The following COL4A2 variants were observed in gnomAD, a reference collection of about 807,000 sequenced individuals.
COL4A2 encodes the protein collagen type IV alpha 2 chain.
In COL4A2, 99 loss-of-function variants were observed where a neutral mutation model predicts 200.2. The ratio of observed to expected loss-of-function variants is 0.49; its 90% CI spans 0.42 to 0.58. The LOEUF (loss-of-function observed/expected upper bound fraction) is 0.58. Ranked by LOEUF, COL4A2 falls within the 20% of genes least tolerant of loss-of-function variation. COL4A2 has a pLI of 0.00. For synonymous variants in COL4A2, 897 were observed against 900.6 expected, an observed-to-expected ratio of 1.00 and a Z score of 0.07; for missense variants, 1,950 against 2,314.1, an observed-to-expected ratio of 0.84 and a Z score of 3.23.
At position 110,501,795 on chromosome 13, in the gene COL4A2, C is replaced by G. The variant is rs988465561; in HGVS notation, c.3877+11C>G. Reference sequence around the variant, plus strand: ...TATTTGGCCTGAAAGGTAAGCAGGACTTATACATCTGTGCTTCGACATCTC... The same window carrying G: ...TATTTGGCCTGAAAGGTAAGCAGGAGTTATACATCTGTGCTTCGACATCTC... On this transcript the variant is annotated intron_variant, in intron 41 of 47. Coordinates refer to ENST00000360467, the MANE Select transcript of COL4A2 (RefSeq NM_001846.4). The G allele has an allele frequency of 6.2e-7, 1 of 1,611,466 alleles. No homozygotes were observed. Among genetic ancestry groups the G allele is most frequent in the Middle Eastern group, 1.7e-4 (1 of 6,050 alleles).
chr13:110,439,028 A>G (rs1881024451), intron 15 of COL4A2, among the ~76,000 whole-genome samples: 1 of 152,210 alleles, frequency 6.6e-6, no homozygotes, highest in Non-Finnish European at 1.5e-5. Flanking sequence ...GAATATCTCA[A>G]ACACACATTG....
chr13:110,374,061 C>T (rs766291880), intron 4 of COL4A2, among the ~76,000 whole-genome samples: 7 of 152,172 alleles, frequency 4.6e-5, no homozygotes, highest in African/African-American at 1.2e-4. Context: ...AATCGTGTCA[C>T]GTCCAATTTT....
Position 110,307,366 on chromosome 13 carries a change from C to A in COL4A2, c.-207C>A. On this transcript the variant is annotated 5_prime_UTR_variant, in exon 1 of 48. Transcript: ENST00000360467. This position sits in a 1 kb window ranked among gnomAD's most constrained non-coding sequence, Gnocchi z 5.0. ...CCCGCGTCCCAACCCCTCGCGCCCG[C>A]GCGTTCGCGGATCCAGGCCGAGGAC... is the stretch of plus-strand genomic sequence containing the variant. 4.0e-6 allele frequency: 1 copy of A among 248,656 alleles called. No homozygotes were observed. The highest frequency in any genetic ancestry group is 7.8e-5 in the East Asian group (1 of 12,868). 15.4% of individuals were successfully genotyped at this position (248,656 alleles called of 1,614,324 possible).
At chr13:110,395,520 G>A (rs546126789) in intron 4 of COL4A2, among the ~76,000 whole-genome samples, 1 of 152,160 alleles carries the variant, frequency 6.6e-6, no homozygotes, top group African/African-American at 2.4e-5. Context: ...AAATGAGAAC[G>A]TGACACATTT....
At chr13:110,492,232 G>A in intron 38 of COL4A2, 55 bp downstream of exon 38, 4 of 1,466,524 alleles carry the variant, frequency 2.7e-6, no homozygotes, top group Non-Finnish European at 3.7e-6. Flanking sequence ...GGCTGTGCAG[G>A]AGGCACCGCT....
chr13:110,455,727 C>G (rs531493349), intron 20 of COL4A2, among the ~76,000 whole-genome samples: 1 of 152,326 alleles, frequency 6.6e-6, no homozygotes, highest in South Asian at 2.1e-4. Context: ...GGGACGGTAT[C>G]CATGTCCTCA....
intron 26 of COL4A2, 83 bp downstream of exon 26, chr13:110,466,145 G>A (rs1882231887): frequency 6.7e-7 from 1 of 1,485,258 alleles, no homozygotes; most frequent in Non-Finnish European, 9.2e-7. Context: ...GTATGCGTGG[G>A]ATAAGAAATA....
At chr13:110,447,742 A>ATTGT (rs1881382887) in intron 18 of COL4A2, among the ~76,000 whole-genome samples, 2 of 103,514 alleles carry the variant, frequency 1.9e-5, no homozygotes, top group Non-Finnish European at 4.4e-5. Context: ...CAAACGCCTG[A>ATTGT]CTGAGTGACG....
rs536726747 is a variant in COL4A2, at chr13:110,399,867, G to A, written c.181-24867G>A. On this transcript the variant is annotated intron_variant, in intron 4 of 47. Coordinates refer to ENST00000360467, the MANE Select transcript of COL4A2 (RefSeq NM_001846.4). ...GAAGATTTGAGTGAGGTTTGCTTTGGTCATGGCTTCTGAAGCTTGATAATT... is the reference window on the plus strand; with the variant it reads ...GAAGATTTGAGTGAGGTTTGCTTTGATCATGGCTTCTGAAGCTTGATAATT... 2.0e-5 allele frequency among the ~76,000 whole-genome samples: 3 copies of A among 152,314 alleles called. No homozygotes were observed. The East Asian group carries it at 5.8e-4, about 29-fold the overall frequency.
Position 110,503,384 on chromosome 13 carries a change from G to T in COL4A2, c.4041G>T (p.Gly1347=), listed in dbSNP as rs1322342438. The T allele has an allele frequency of 1.9e-6, 3 of 1,598,494 alleles. No individual in the cohort carries two copies. The African/African-American group carries it at 4.0e-5, about 21-fold the overall frequency. The change falls in exon 43 of 48, where the codon GGG becomes GGT. Residue 1347 remains glycine (G), a splice_region_variant and synonymous_variant. Coordinates refer to ENST00000360467, the MANE Select transcript of COL4A2 (RefSeq NM_001846.4). The stretch of plus-strand genomic sequence containing the variant: ...CCTAACGTCTTGTTTGTGTTGCAGG[G>T]CCCAGGGGTGAACAAGGCTTCATGG... ...PGVFGLPGEK[G]PRGEQGFMGN...
intron 3 of COL4A2, among the ~76,000 whole-genome samples, chr13:110,338,477 G>A (rs1447898268): frequency 6.6e-6 from 1 of 152,140 alleles, no homozygotes; most frequent in Non-Finnish European, 1.5e-5. Flanking sequence ...AGAGCACTGA[G>A]GCTCTAGGGA....
intron 4 of COL4A2, among the ~76,000 whole-genome samples, chr13:110,398,648 G>A (rs574187018): frequency 6.6e-6 from 1 of 152,068 alleles, no homozygotes; most frequent in Admixed American, 6.5e-5. Context: ...AGCCGAGACC[G>A]TGTCACTGCC....
chr13:110,365,455 A>G (rs1359650413), intron 4 of COL4A2, among the ~76,000 whole-genome samples: 1 of 152,228 alleles, frequency 6.6e-6, no homozygotes, highest in Non-Finnish European at 1.5e-5. Context: ...ATTTTCTTTA[A>G]TTAGAACTAG....
At chr13:110,460,640 A>G (rs1412937562) in intron 22 of COL4A2, among the ~76,000 whole-genome samples, 2 of 152,216 alleles carry the variant, frequency 1.3e-5, no homozygotes, top group African/African-American at 4.8e-5. Context: ...TCCTGCACTG[A>G]ATTCTATGAT....
intron 3 of COL4A2, among the ~76,000 whole-genome samples, chr13:110,310,985 G>C (rs1467760091): frequency 1.3e-5 from 2 of 152,182 alleles, no homozygotes; most frequent in Non-Finnish European, 2.9e-5. Flanking sequence ...CCTCCACACC[G>C]AGCTTCCCAG....
intron 4 of COL4A2, among the ~76,000 whole-genome samples, chr13:110,367,279 T>G (rs1293823311): frequency 6.6e-6 from 1 of 152,244 alleles, no homozygotes. Flanking sequence ...AAAATGGAAG[T>G]AATTAATGTT....
At chr13:110,321,855 CT>C (rs1408908767) in intron 3 of COL4A2, among the ~76,000 whole-genome samples, 1 of 152,164 alleles carries the variant, frequency 6.6e-6, no homozygotes, top group East Asian at 1.9e-4. Context: ...GGAGAACTCA[CT>C]ATCATGAGAA....
chr13:110,309,790 C>T (rs1884921293), intron 3 of COL4A2, among the ~76,000 whole-genome samples: 1 of 152,048 alleles, frequency 6.6e-6, no homozygotes, highest in African/African-American at 2.4e-5. Context: ...GAGTTCGAGA[C>T]CACCCTGGGA....
At chr13:110,432,290 GA>G in intron 10 of COL4A2, 34 bp from the exon 11 acceptor site, 1 of 1,591,428 alleles carries the variant, frequency 6.3e-7, no homozygotes, top group South Asian at 1.2e-5. Flanking sequence ...CTGGGGTAAA[GA>G]AAACCATTTA....
Sources: gnomAD v4.1 joint callset for allele counts (sites outside exome capture counted in the v4.1 genomes callset) on GRCh38, gnomAD v4.1.1 for gene constraint, Gnocchi (gnomAD v3.1) non-coding constraint, MANE v1.5 for transcripts, NCBI Gene and HGNC (gene_info 2026-07-23, HGNC 2026-07-21) for gene names.